The following CLSPN variants were observed in gnomAD, a reference collection of about 807,000 sequenced individuals.
CLSPN encodes claspin homolog.
A neutral mutation model predicts 156.3 loss-of-function variants in CLSPN; 85 were observed. The ratio of observed to expected loss-of-function variants is 0.54; its 90% CI spans 0.46 to 0.65. The LOEUF is 0.65. Among genes scored for constraint, CLSPN ranks in the 30% least tolerant of loss-of-function variants. The pLI is 0.00. For synonymous variants in CLSPN, 534 were observed against 542.4 expected, an observed-to-expected ratio of 0.98 and a Z score of 0.22; for missense variants, 1,407 against 1,554.9, an observed-to-expected ratio of 0.90 and a Z score of 1.60.
chr1:35,749,478 G>A lies in CLSPN; in HGVS notation c.2261C>T (p.Pro754Leu), dbSNP rs1286603890. The change falls in exon 12 of 25, where the codon CCT becomes CTT. Residue 754 changes from proline to leucine, a missense_variant. Around this residue, in one of 3 missense-constraint regions of CLSPN, gnomAD observed 1,096 missense variants for 1,193.0 expected, o/e 0.92. Transcript: ENST00000318121. The part of the protein sequence containing the change: ...SETDENSGKQ[P>L]SKLDEDDSCS... ...GAATCACTACTTACCCAGTTTGCTA[G>A]GCTGCTTGCCTGAGTTTTCATCTGT... is the stretch of plus-strand genomic sequence containing the variant. 3 of 1,614,074 alleles carry A rather than the reference G, an allele frequency of 1.9e-6. No homozygotes were observed. The highest frequency in any genetic ancestry group is 2.5e-6 in the Non-Finnish European group (3 of 1,179,980).
Position 35,733,516 on chromosome 1 carries a change from C to G in CLSPN, c.*2980G>C, listed in dbSNP as rs1435337547. The G allele has an allele frequency of 1.0e-6, 1 of 985,078 alleles. No individual in the cohort carries two copies. Among genetic ancestry groups the G allele is most frequent in the Non-Finnish European group, 1.2e-6 (1 of 829,870 alleles). 61.0% of individuals were successfully genotyped at this position (985,078 alleles called of 1,614,324 possible). ...TCTCCTCAAAAGACATGTAGGGAAA[C>G]AAGAGGGAAGAAATATCTAGCCTTC... On this transcript the variant is annotated 3_prime_UTR_variant, in exon 25 of 25. Transcript: ENST00000318121.
rs1345224677 is a variant in CLSPN at position 35,764,673 on chromosome 1, T to C, written c.175A>G (p.Arg59Gly). 1 of 1,587,550 alleles carries C rather than the reference T, an allele frequency of 6.3e-7. No individual in the cohort carries two copies. The highest frequency in any genetic ancestry group is 8.5e-7 in the Non-Finnish European group (1 of 1,172,728). Residue 59 changes from arginine to glycine, a missense_variant, in exon 3 of 25, where the codon AGG becomes GGG. Arg to Gly is a moderately radical substitution (Grantham distance 125, BLOSUM62 -2). Coordinates refer to ENST00000318121, the MANE Select transcript of CLSPN (RefSeq NM_022111.4). ...EIFVSKKLKNRKVLQDSDSET... is the reference protein window; with the variant it reads ...EIFVSKKLKNGKVLQDSDSET... ...GAATCACTGTCTTGTAGAACCTTCC[T>C]GTTTTTCAACTTCTTACTTACAAAT...
intron 12 of CLSPN, 133 bp downstream of exon 12, chr1:35,749,334 C>A: frequency 1.2e-6 from 1 of 812,530 alleles, no homozygotes; most frequent in Non-Finnish European, 2.0e-6. Flanking sequence ...TTCATAAACC[C>A]TTTTCATAGC....
rs533984272 is a variant in CLSPN, at chr1:35,767,456, T to G, written c.25-2130A>C. ...ATTGGCCATGACTTGAAAATACAGG[T>G]TGAACATCTCTAACCTGAAAATCTG... On this transcript the variant is annotated intron_variant, in intron 1 of 24. Coordinates refer to ENST00000318121, the MANE Select transcript of CLSPN (RefSeq NM_022111.4). Among the ~76,000 whole-genome samples, 5 of 152,284 alleles carry G rather than the reference T, an allele frequency of 3.3e-5. No individual in the cohort carries two copies. In the South Asian group the frequency reaches 1.0e-3, roughly 32 times the overall value.
intron 1 of CLSPN, among the ~76,000 whole-genome samples, chr1:35,767,993 G>A (rs995434638): frequency 3.3e-5 from 5 of 152,134 alleles, no homozygotes; most frequent in Non-Finnish European, 5.9e-5. Flanking sequence ...TCAGGGCTCT[G>A]AATCAACTTA....
chr1:35,760,653 C>G lies in CLSPN; in HGVS notation c.1268G>C (p.Gly423Ala). 1 of 1,614,170 alleles carries G rather than the reference C, an allele frequency of 6.2e-7. No individual in the cohort carries two copies. Among genetic ancestry groups the G allele is most frequent in the Non-Finnish European group, 8.5e-7 (1 of 1,180,040 alleles). The stretch of plus-strand genomic sequence containing the variant: ...TTCCTGTTGCAACACTGAGCTGTCC[C>G]CAGGTGAAGGTCTAATGTCACTCTG... ...QKQSDIRPSP[G>A]DSSVLQQESN... The change falls in exon 8 of 25, where the codon GGG becomes GCG. Residue 423 changes from glycine to alanine, a missense_variant. Around this residue, in one of 3 missense-constraint regions of CLSPN, gnomAD observed 1,096 missense variants for 1,193.0 expected, o/e 0.92. Coordinates refer to ENST00000318121, the MANE Select transcript of CLSPN (RefSeq NM_022111.4).
intron 1 of CLSPN, among the ~76,000 whole-genome samples, chr1:35,765,994 CTT>C (rs549426437): frequency 1.9e-5 from 2 of 106,484 alleles, no homozygotes; most frequent in African/African-American, 7.3e-5. Context: ...CTCTCTCTCT[CTT>C]TTTTTTTTTT....
At chr1:35,729,780 A>C (rs1029781739), downstream of CLSPN, among the ~76,000 whole-genome samples, 2 of 152,232 alleles carry the variant, frequency 1.3e-5, no homozygotes, top group African/African-American at 4.8e-5. Flanking sequence ...CCCATTCCTC[A>C]GCAGTGAGTT....
intron 5 of CLSPN, 144 bp downstream of exon 5, chr1:35,762,260 C>A (rs1376478074): frequency 1.2e-6 from 1 of 813,296 alleles, no homozygotes. Flanking sequence ...TCAATCCAAT[C>A]CATATTTTGT....
chr1:35,736,177 C>T lies in CLSPN; in HGVS notation c.*319G>A. On this transcript the variant is annotated 3_prime_UTR_variant, in exon 25 of 25. Coordinates refer to ENST00000318121, the MANE Select transcript of CLSPN (RefSeq NM_022111.4). ...AGATTGTGGTGAGCCGAGATCACGC[C>T]ACTGCACTCCAAGCTGGGCAACAGA... 1.1e-6 allele frequency: 1 copy of T among 876,688 alleles called. No individual in the cohort carries two copies. The highest frequency in any genetic ancestry group is 5.3e-5 in the South Asian group (1 of 19,014). 54.3% of individuals were successfully genotyped at this position (876,688 alleles called of 1,614,324 possible).
In CLSPN at chr1:35,763,198, T is replaced by C. The variant is rs754159631; in HGVS notation, c.706A>G (p.Ile236Val). 64 of 1,600,624 alleles carry C rather than the reference T, an allele frequency of 4.0e-5. No homozygotes were observed. Among genetic ancestry groups the C allele is most frequent in the African/African-American group, 1.4e-4 (10 of 74,012 alleles). The change falls in exon 4 of 25, where the codon ATA (isoleucine) becomes GTA (valine). Residue 236 changes from isoleucine to valine, a missense_variant. Ile to Val is a conservative substitution (Grantham distance 29, BLOSUM62 3). Transcript: ENST00000318121. ...PLEDEESLES[I>V]RAAVKNKVKK... ...ACTTTGTTTTTTACAGCTGCTCTTATTGATTCTAATGACTCTTCATCTTCC... is the reference window on the plus strand; with the variant it reads ...ACTTTGTTTTTTACAGCTGCTCTTACTGATTCTAATGACTCTTCATCTTCC...
intron 16 of CLSPN, 24 bp from the exon 17 acceptor site, chr1:35,743,554 A>G (rs1339088501): frequency 6.3e-7 from 1 of 1,591,608 alleles, no homozygotes; most frequent in South Asian, 1.1e-5. Context: ...CAATGAATCA[A>G]TAAATAAGTT....
intron 3 of CLSPN, among the ~76,000 whole-genome samples, chr1:35,763,797 G>GT (rs33972058): frequency 0.2 from 27,904 of 138,930 alleles, 4,247 homozygotes; most frequent in East Asian, 0.72. Flanking sequence ...TTTGGTTTTT[G>GT]TTTTTTTTTT....
Position 35,736,557 on chromosome 1 carries a change from A to G in CLSPN, c.3959T>C (p.Leu1320Pro), listed in dbSNP as rs779750467. 1 of 1,612,618 alleles carries G rather than the reference A, an allele frequency of 6.2e-7. No individual in the cohort carries two copies. Among genetic ancestry groups the G allele is most frequent in the South Asian group, 1.1e-5 (1 of 90,652 alleles). The change falls in exon 25 of 25, where the codon CTC becomes CCC. Residue 1320 changes from leucine (L) to proline (P), a missense_variant. By Grantham distance (98) the Leu-to-Pro change is moderately conservative. This residue lies in a region of CLSPN where 241 missense variants were observed against 240.5 expected (regional missense o/e 1.00). Coordinates refer to ENST00000318121, the MANE Select transcript of CLSPN (RefSeq NM_022111.4). ...TCCTGAAGTGCTATCATCTGTTTTG[A>G]GGTGCTTAGGTGAAGGAGAAGTCAT... ...SFMTSPSPKHLKTDDSTSGLT... is the reference protein window; with the variant it reads ...SFMTSPSPKHPKTDDSTSGLT...
intron 3 of CLSPN, among the ~76,000 whole-genome samples, chr1:35,763,563 T>C (rs1253776707): frequency 2.0e-5 from 3 of 152,188 alleles, no homozygotes; most frequent in Admixed American, 6.5e-5. Flanking sequence ...TGAAGTAAAA[T>C]ACTTGTTAAG....
chr1:35,749,229 T>C (rs888573146), intron 12 of CLSPN, among the ~76,000 whole-genome samples: 1 of 152,192 alleles, frequency 6.6e-6, no homozygotes, highest in South Asian at 2.1e-4. Context: ...AAACATTTCA[T>C]TGCTCACTCA....
chr1:35,755,597 C>T (rs1001535310), intron 8 of CLSPN, among the ~76,000 whole-genome samples: 4 of 151,566 alleles, frequency 2.6e-5, no homozygotes, highest in Admixed American at 6.6e-5. Flanking sequence ...TTGTAGAGAC[C>T]GGTTTTGCCA....
chr1:35,764,412 T>C lies in CLSPN; in HGVS notation c.436A>G (p.Thr146Ala). The C allele has an allele frequency of 6.2e-7, 1 of 1,614,078 alleles. No homozygotes were observed. The highest frequency in any genetic ancestry group is 8.5e-7 in the Non-Finnish European group (1 of 1,179,990). ...TGCTTTTTGGAACTCTTTCTGTCAG[T>C]GGTAAAGTCTGTAGAGTTTCCAGAC... ...LQSGNSTDFT[T>A]DRKSSKKHIH... is the part of the protein sequence containing the mutation. Residue 146 changes from threonine to alanine, a missense_variant, in exon 3 of 25, where the codon ACT becomes GCT. Physicochemically the swap from Thr to Ala is moderately conservative, Grantham distance 58. Transcript: ENST00000318121.
intron 24 of CLSPN, 48 bp from the exon 25 acceptor site, chr1:35,736,654 G>A (rs760356051): frequency 1.9e-6 from 3 of 1,553,168 alleles, no homozygotes; most frequent in South Asian, 1.2e-5. Flanking sequence ...CTTCATACAA[G>A]TATTTACCTT....
Sources: gnomAD v4.1 joint callset for allele counts (sites outside exome capture counted in the v4.1 genomes callset) on GRCh38, gnomAD v4.1.1 for gene constraint, gnomAD v4.1.1 regional missense constraint, MANE v1.5 for transcripts, NCBI Gene and HGNC (gene_info 2026-07-23, HGNC 2026-07-21) for gene names.